The following SHROOM2 variants were observed in gnomAD, a reference collection of about 807,000 sequenced individuals.
SHROOM2 encodes the protein protein Shroom2.
In SHROOM2, 33 loss-of-function variants were observed where a neutral mutation model predicts 75.9. The observed-to-expected ratio is 0.43, with a 90% CI of 0.33 to 0.58. The LOEUF is 0.58. SHROOM2 is among the 20% of genes least tolerant of loss of function. The pLI, the probability that SHROOM2 is intolerant of heterozygous loss-of-function variation, is 0.04. For synonymous variants in SHROOM2, 655 were observed against 663.6 expected (o/e 0.99, Z 0.20); for missense variants, 1,434 against 1,461.2 (o/e 0.98, Z 0.30).
At chrX:9,818,378 TC>T in intron 1 of SHROOM2, 1 of 248,122 alleles carries the variant, frequency 4.0e-6, no homozygotes. Context: ...TTCCTCTGCC[TC>T]CATTTTATAA....
chrX:9,895,386 G>C lies in SHROOM2; in HGVS notation c.1478G>C (p.Gly493Ala). 1 of 1,202,264 alleles carries C rather than the reference G, an allele frequency of 8.3e-7. No individual in the cohort carries two copies. Among genetic ancestry groups the C allele is most frequent in the Non-Finnish European group, 1.1e-6 (1 of 891,074 alleles). Residue 493 changes from glycine to alanine, a missense_variant, in exon 4 of 10, where the codon GGA becomes GCA. Gly to Ala is a moderately conservative substitution (Grantham distance 60). This residue lies in a region of SHROOM2 where 1,340 missense variants were observed against 1,338.3 expected (regional missense o/e 1.00). Transcript: ENST00000380913. ...CTGCAAGCAGCACAGCTCTGGGCGG[G>C]ATGCTGGCCTTCTGACACAGCCCTT... ...GDLQAAQLWAGCWPSDTALGA... is the reference protein window; with the variant it reads ...GDLQAAQLWAACWPSDTALGA...
At chrX:9,808,406 G>T (rs1301244949) in intron 1 of SHROOM2, among the ~76,000 whole-genome samples, 1 of 108,169 alleles carries the variant, frequency 9.2e-6, no homozygotes, top group Non-Finnish European at 1.9e-5. Context: ...AATTAGCCAG[G>T]TGTGGTGGTG....
chrX:9,940,756 G>A (rs1016643974), intron 8 of SHROOM2, among the ~76,000 whole-genome samples: 2 of 112,471 alleles, frequency 1.8e-5, no homozygotes, highest in African/African-American at 6.5e-5. Flanking sequence ...TAGCGCAGAT[G>A]GGGACTTAGC....
chrX:9,914,329 G>C (rs1449450442), intron 5 of SHROOM2, among the ~76,000 whole-genome samples: 2 of 109,664 alleles, frequency 1.8e-5, no homozygotes, highest in Non-Finnish European at 3.8e-5. Flanking sequence ...TGCTCTTCCA[G>C]AGTCCGCCTT....
At chrX:9,823,068 CCTCCTCCCTT>C (rs2083865179) in intron 1 of SHROOM2, among the ~76,000 whole-genome samples, 4 of 70,345 alleles carry the variant, frequency 5.7e-5, no homozygotes, top group African/African-American at 1.7e-4. Flanking sequence ...TCCTCCTCCT[CCTCCTCCCTT>C]CTCCCTTCTC....
chrX:9,924,179 A>T (rs2084572820), intron 5 of SHROOM2, among the ~76,000 whole-genome samples: 1 of 111,879 alleles, frequency 8.9e-6, no homozygotes, highest in African/African-American at 3.3e-5. Flanking sequence ...TTCCAACAGG[A>T]CACAAAAGTT....
rs901834823 is a variant in SHROOM2, at chrX:9,806,258, T to G, written c.165+19548T>G. Among the ~76,000 whole-genome samples, 4 of 110,973 alleles carry G rather than the reference T, an allele frequency of 3.6e-5. No homozygotes were observed. The Admixed American group carries it at 3.9e-4, about 11-fold the overall frequency. ...CCGTGGTTATGGCAGGGCCAGTCTC[T>G]TCACTCGCACAGCAGGCACATCGCT... On this transcript the variant is annotated intron_variant, in intron 1 of 9. Transcript: ENST00000380913.
At chrX:9,823,756 C>CTTTTTTTTTTTTTTTTTT (rs1293537759) in intron 1 of SHROOM2, among the ~76,000 whole-genome samples, 1 of 85,915 alleles carries the variant, frequency 1.2e-5, no homozygotes, top group Non-Finnish European at 2.2e-5. Flanking sequence ...TTTCTTTTTT[C>CTTTTTTTTTTTTTTTTTT]TTTTTTCTTT....
chrX:9,804,480 G>A (rs371924803), intron 1 of SHROOM2, among the ~76,000 whole-genome samples: 6 of 112,360 alleles, frequency 5.3e-5, no homozygotes, highest in Admixed American at 9.5e-5. Flanking sequence ...ATTCATTTCC[G>A]TTGCTTGCAA....
At chrX:9,882,950 C>T (rs950614738) in intron 2 of SHROOM2, among the ~76,000 whole-genome samples, 8 of 112,628 alleles carry the variant, frequency 7.1e-5, no homozygotes, top group South Asian at 3.6e-4. Context: ...TCACCATTCA[C>T]GCAGGCATTG....
intron 2 of SHROOM2, among the ~76,000 whole-genome samples, chrX:9,881,285 T>G (rs916129343): frequency 8.9e-6 from 1 of 111,754 alleles, no homozygotes; most frequent in Non-Finnish European, 1.9e-5. Flanking sequence ...TTATAGTAAA[T>G]GACAAAGAAG....
At chrX:9,846,781 C>G (rs2084008768) in intron 1 of SHROOM2, among the ~76,000 whole-genome samples, 1 of 112,379 alleles carries the variant, frequency 8.9e-6, no homozygotes, top group East Asian at 2.8e-4. Flanking sequence ...CCATTTTGAA[C>G]ATGGATTTGG....
chrX:9,901,998 G>A (rs753056366), intron 5 of SHROOM2, among the ~76,000 whole-genome samples: 195 of 107,085 alleles, frequency 1.8e-3, no homozygotes, highest in African/African-American at 6.1e-3. Flanking sequence ...GGAGGGTGGG[G>A]AGGGTGGGTG....
chrX:9,871,369 C>T (rs1339413844), intron 1 of SHROOM2, among the ~76,000 whole-genome samples: 1 of 111,820 alleles, frequency 8.9e-6, no homozygotes, highest in Admixed American at 9.5e-5. Context: ...CTGGAAGAAG[C>T]CTTTCCTCTG....
At chrX:9,822,040 G>T (rs1424823344) in intron 1 of SHROOM2, among the ~76,000 whole-genome samples, 9 of 112,539 alleles carry the variant, frequency 8.0e-5, no homozygotes, top group African/African-American at 2.9e-4. Context: ...GACCCTGAAG[G>T]CCCCTGTTAG....
Position 9,946,759 on chromosome X carries a change from T to A in SHROOM2, c.4673T>A (p.Ile1558Asn), listed in dbSNP as rs769239957. The change falls in exon 10 of 10, where the codon ATC (isoleucine) becomes AAC (asparagine). Residue 1558 changes from isoleucine to asparagine, a missense_variant. By Grantham distance (149) the Ile-to-Asn change is moderately radical. This residue lies in a region of SHROOM2 where 80 missense variants were observed against 88.4 expected (regional missense o/e 0.90). Transcript: ENST00000380913. ...LKENLDRRER[I>N]VFDILANYLS... ...GAGAACCTGGACCGCCGCGAGCGCA[T>A]CGTCTTTGACATTTTGGCCAACTAT... 7.5e-6 allele frequency: 9 copies of A among 1,205,074 alleles called. No individual in the cohort carries two copies. The highest frequency in any genetic ancestry group is 9.0e-6 in the Non-Finnish European group (8 of 891,889).
intron 1 of SHROOM2, among the ~76,000 whole-genome samples, chrX:9,802,283 G>C (rs928388449): frequency 9.0e-6 from 1 of 111,426 alleles, no homozygotes; most frequent in Non-Finnish European, 1.9e-5. Flanking sequence ...CAGCATATCC[G>C]CATCACCTGG....
At chrX:9,792,112 A>G (rs1340390588) in intron 1 of SHROOM2, among the ~76,000 whole-genome samples, 2 of 19,243 alleles carry the variant, frequency 1.0e-4, no homozygotes, top group African/African-American at 1.4e-4. Flanking sequence ...AATAGAATAG[A>G]ATAGAATAGA....
intron 1 of SHROOM2, among the ~76,000 whole-genome samples, chrX:9,867,490 A>G (rs1031389666): frequency 9.0e-6 from 1 of 111,678 alleles, no homozygotes; most frequent in African/African-American, 3.3e-5. Flanking sequence ...CACTCCACAG[A>G]CATTAAGCGG....
Sources: allele counts gnomAD v4.1 joint callset (sites outside exome capture counted in the v4.1 genomes callset), GRCh38; gene constraint gnomAD v4.1.1; regional missense constraint gnomAD v4.1.1; transcripts MANE v1.5; gene names NCBI Gene and HGNC (gene_info 2026-07-23, HGNC 2026-07-21).